Variants in BICRAL observed in about 807,000 individuals in gnomAD.
BICRAL encodes BICRA like chromatin remodeling complex associated protein.
Under a neutral mutation model 91.8 loss-of-function variants are expected in BICRAL, and 8 were observed. The observed-to-expected ratio is 0.09, with a 90% CI of 0.05 to 0.16. BICRAL has a LOEUF of 0.16. BICRAL is among the 10% of genes least tolerant of loss of function. BICRAL has a pLI of 1.00. For synonymous variants in BICRAL, 445 were observed against 491.1 expected (o/e 0.91, Z 1.24); for missense variants, 1,038 against 1,310.9 (o/e 0.79, Z 3.21).
At chr6:42,862,460 AC>A (rs753729318) in intron 11 of BICRAL, 49 bp from the exon 12 acceptor site, 2 of 1,216,786 alleles carry the variant, frequency 1.6e-6, no homozygotes, top group Non-Finnish European at 2.4e-6. Context: ...TCCAAAAGCA[AC>A]CATTTTTTAA....
intron 1 of BICRAL, among the ~76,000 whole-genome samples, chr6:42,747,572 C>G (rs1762299829): frequency 6.6e-6 from 1 of 152,302 alleles, no homozygotes; most frequent in South Asian, 2.1e-4. Context: ...ATTGCTGGGC[C>G]AGAGTATTTC....
At chr6:42,841,165 G>T (rs574723494) in intron 6 of BICRAL, among the ~76,000 whole-genome samples, 331 of 145,176 alleles carry the variant, frequency 2.3e-3, no homozygotes, top group African/African-American at 7.8e-3. Context: ...GAGAGTGCCT[G>T]AATGATCACT....
intron 6 of BICRAL, among the ~76,000 whole-genome samples, chr6:42,833,719 G>T (rs1267493087): frequency 6.6e-6 from 1 of 151,384 alleles, no homozygotes; most frequent in Non-Finnish European, 1.5e-5. Flanking sequence ...ATTTGTTTTG[G>T]TTTTTATGGT....
chr6:42,787,716 A>G (rs1177660587), intron 1 of BICRAL, among the ~76,000 whole-genome samples: 1 of 152,180 alleles, frequency 6.6e-6, no homozygotes, highest in Non-Finnish European at 1.5e-5. Context: ...TTTGGATTTG[A>G]CAACATGATG....
intron 6 of BICRAL, among the ~76,000 whole-genome samples, chr6:42,838,661 A>G (rs924112478): frequency 6.6e-5 from 10 of 152,128 alleles, no homozygotes; most frequent in Non-Finnish European, 1.2e-4. Context: ...GGATTTTTCC[A>G]GAAAGAAGAG....
At chr6:42,821,898 A>G in intron 2 of BICRAL, 120 bp from the exon 3 acceptor site, 2 of 574,138 alleles carry the variant, frequency 3.5e-6, no homozygotes, top group South Asian at 3.2e-5. Flanking sequence ...GCAGAGGAAA[A>G]CTCACGTGAA....
chr6:42,782,598 C>T (rs1253794390), intron 1 of BICRAL, among the ~76,000 whole-genome samples: 1 of 51,212 alleles, frequency 2.0e-5, no homozygotes, highest in Non-Finnish European at 3.8e-5. Context: ...ATTTCTGGAG[C>T]GGGGAGAGGG....
chr6:42,808,399 G>A (rs1267195557), intron 1 of BICRAL, among the ~76,000 whole-genome samples: 1 of 152,074 alleles, frequency 6.6e-6, no homozygotes, highest in Non-Finnish European at 1.5e-5. Flanking sequence ...CAAAGTGCTG[G>A]GATTACAGGC....
chr6:42,844,029 C>T (rs1443507347), intron 6 of BICRAL, among the ~76,000 whole-genome samples: 3 of 148,302 alleles, frequency 2.0e-5, no homozygotes, highest in Non-Finnish European at 3.0e-5. Context: ...GTCTCGAACT[C>T]CTGACCTTGT....
At chr6:42,783,861 C>T (rs1001181020) in intron 1 of BICRAL, among the ~76,000 whole-genome samples, 1 of 152,214 alleles carries the variant, frequency 6.6e-6, no homozygotes, top group Non-Finnish European at 1.5e-5. Context: ...CTCCTGCGGT[C>T]TGAGAGTGGA....
chr6:42,839,719 A>G (rs1450564394), intron 6 of BICRAL, among the ~76,000 whole-genome samples: 2 of 152,164 alleles, frequency 1.3e-5, no homozygotes, highest in Non-Finnish European at 2.9e-5. Context: ...TGTATTTAAT[A>G]TATTGTAATT....
At chr6:42,808,679 T>G (rs12660302) in intron 1 of BICRAL, among the ~76,000 whole-genome samples, 2,521 of 152,144 alleles carry the variant, frequency 0.017, 60 homozygotes, top group East Asian at 0.072. Context: ...AGGGTGTGTG[T>G]GGGGGAGAGA....
chr6:42,863,189 C>A (rs554127018), intron 12 of BICRAL, among the ~76,000 whole-genome samples: 1 of 152,152 alleles, frequency 6.6e-6, no homozygotes, highest in African/African-American at 2.4e-5. Flanking sequence ...GCTGGGACTA[C>A]AGGCGCCTGC....
At chr6:42,765,437 C>G (rs1762616881) in intron 1 of BICRAL, among the ~76,000 whole-genome samples, 1 of 152,090 alleles carries the variant, frequency 6.6e-6, no homozygotes, top group Non-Finnish European at 1.5e-5. Flanking sequence ...TCCTAGGAGG[C>G]TTGTGGGGAG....
At chr6:42,752,057 G>C (rs1415734696) in intron 1 of BICRAL, among the ~76,000 whole-genome samples, 1 of 152,152 alleles carries the variant, frequency 6.6e-6, no homozygotes, top group Non-Finnish European at 1.5e-5. Context: ...TCATTAAAGA[G>C]CTGTGCACAT....
At chr6:42,842,887 T>A (rs1051769290) in intron 6 of BICRAL, among the ~76,000 whole-genome samples, 3 of 150,166 alleles carry the variant, frequency 2.0e-5, no homozygotes, top group Admixed American at 6.7e-5. Flanking sequence ...GGAGTCTTGC[T>A]CTGTCACCCA....
chr6:42,812,546 A>T (rs1013096900), intron 2 of BICRAL, among the ~76,000 whole-genome samples: 5 of 152,166 alleles, frequency 3.3e-5, no homozygotes, highest in South Asian at 4.1e-4. Context: ...GCAAAAAAAA[A>T]TTTTAAATAA....
chr6:42,842,856 A>AT (rs35206768), intron 6 of BICRAL, among the ~76,000 whole-genome samples: 51,546 of 142,216 alleles, frequency 0.36, 9,328 homozygotes, highest in South Asian at 0.47. Context: ...AGAACACAGT[A>AT]TTTTTTTTTT....
At chr6:42,762,727 A>C (rs952283426) in intron 1 of BICRAL, among the ~76,000 whole-genome samples, 1 of 152,000 alleles carries the variant, frequency 6.6e-6, no homozygotes, top group African/African-American at 2.4e-5. Context: ...TAGGAGTTCA[A>C]GACCAGCCTG....
Sources: allele counts gnomAD v4.1 joint callset (sites outside exome capture counted in the v4.1 genomes callset), GRCh38; gene constraint gnomAD v4.1.1; transcripts MANE v1.5; gene names NCBI Gene and HGNC (gene_info 2026-07-23, HGNC 2026-07-21).